ARFGEF2: variants seen among roughly 807,000 people sequenced by gnomAD.
ARFGEF2 encodes the protein ARF guanine nucleotide exchange factor 2.
In ARFGEF2, 74 loss-of-function variants were observed where a neutral mutation model predicts 219.9. That is an observed-to-expected ratio of 0.34 (90% CI 0.28 to 0.41). ARFGEF2 has a LOEUF of 0.41. Ranked by LOEUF, ARFGEF2 falls within the 10% of genes least tolerant of loss-of-function variation. The probability of loss-of-function intolerance (pLI) is 1.00; values close to 1 mark genes in which losing one functional copy is unlikely to be tolerated. For synonymous variants in ARFGEF2, 733 were observed against 799.2 expected (o/e 0.92, Z 1.40); for missense variants, 1,743 against 2,218.3 (o/e 0.79, Z 4.30).
intron 16 of ARFGEF2, 21 bp from the exon 17 acceptor site, chr20:48,988,283 G>A: frequency 6.3e-7 from 1 of 1,592,538 alleles, no homozygotes; most frequent in Middle Eastern, 1.7e-4. Context: ...GAATATTGAT[G>A]TCTCGAATTT....
chr20:48,997,601 C>T (rs1600643396), intron 23 of ARFGEF2, among the ~76,000 whole-genome samples: 1 of 152,116 alleles, frequency 6.6e-6, no homozygotes, highest in Non-Finnish European at 1.5e-5. Context: ...GTCACTTTCT[C>T]TTCTGCTCAC....
intron 1 of ARFGEF2, among the ~76,000 whole-genome samples, chr20:48,938,648 G>T (rs185179795): frequency 6.6e-6 from 1 of 152,078 alleles, no homozygotes; most frequent in Non-Finnish European, 1.5e-5. Flanking sequence ...CTGATCTAAC[G>T]AACACCAGAT....
rs372723553 is a variant in ARFGEF2, at chr20:49,006,962, G to A, written c.3584+1741G>A. On this transcript the variant is annotated intron_variant, in intron 26 of 38. Coordinates refer to ENST00000371917, the MANE Select transcript of ARFGEF2 (RefSeq NM_006420.3). Reference sequence around the variant, plus strand: ...CCCAAAGTGCTGGGATTACAGGCACGAGCTACCGTGGCCGGCCTGCCATTG... The same window carrying A: ...CCCAAAGTGCTGGGATTACAGGCACAAGCTACCGTGGCCGGCCTGCCATTG... Among the ~76,000 whole-genome samples, 18 of 151,802 alleles carry A rather than the reference G, an allele frequency of 1.2e-4. No homozygotes were observed. In the East Asian group the frequency reaches 2.9e-3, roughly 25 times the overall value.
chr20:49,023,487 A>G (rs1344266810), intron 35 of ARFGEF2, among the ~76,000 whole-genome samples: 1 of 151,580 alleles, frequency 6.6e-6, no homozygotes, highest in African/African-American at 2.4e-5. Flanking sequence ...TATCACAGGA[A>G]CTATTCCCCA....
At chr20:48,942,897 T>G (rs1385539828) in intron 3 of ARFGEF2, among the ~76,000 whole-genome samples, 1 of 152,158 alleles carries the variant, frequency 6.6e-6, no homozygotes, top group African/African-American at 2.4e-5. Context: ...TGTTTCTATT[T>G]AAAGAGACTA....
At chr20:48,967,479 T>A (rs1285172726) in intron 8 of ARFGEF2, among the ~76,000 whole-genome samples, 1 of 152,182 alleles carries the variant, frequency 6.6e-6, no homozygotes, top group Non-Finnish European at 1.5e-5. Flanking sequence ...GAGTTGGAAG[T>A]TTTAGCTGAG....
At chr20:48,928,929 A>G (rs2090896355) in intron 1 of ARFGEF2, among the ~76,000 whole-genome samples, 1 of 152,234 alleles carries the variant, frequency 6.6e-6, no homozygotes, top group Non-Finnish European at 1.5e-5. Flanking sequence ...TTAGAGCTCT[A>G]TCCTGTACTT....
rs561070420 is a variant in ARFGEF2 at position 48,998,578 on chromosome 20, G to A, written c.3432+73G>A. On this transcript the variant is annotated intron_variant, in intron 25 of 38. Coordinates refer to ENST00000371917, the MANE Select transcript of ARFGEF2 (RefSeq NM_006420.3). ...TAGACAACTGAATTCAAAAAAAGAA[G>A]TGATAAATAATTTGCCCTGTTTTTT... The A allele has an allele frequency of 6.6e-6, 10 of 1,525,674 alleles. No individual in the cohort carries two copies. In the African/African-American group the frequency reaches 9.7e-5, roughly 15 times the overall value. 94.5% of individuals were successfully genotyped at this position (1,525,674 alleles called of 1,614,324 possible). A position where few individuals can be genotyped will look rare whatever the true frequency, so the allele number is the denominator to read the frequency against.
At chr20:48,924,609 T>G (rs2090865089) in intron 1 of ARFGEF2, among the ~76,000 whole-genome samples, 1 of 151,422 alleles carries the variant, frequency 6.6e-6, no homozygotes, top group Non-Finnish European at 1.5e-5. Context: ...TTGTTAATTG[T>G]GATAAGAGGA....
intron 1 of ARFGEF2, among the ~76,000 whole-genome samples, chr20:48,939,597 T>G (rs987345696): frequency 6.6e-6 from 1 of 152,180 alleles, no homozygotes; most frequent in African/African-American, 2.4e-5. Flanking sequence ...CTTGGTGAAT[T>G]CTTTTCCCTG....
intron 38 of ARFGEF2, among the ~76,000 whole-genome samples, chr20:49,032,653 C>G (rs1049336946): frequency 6.6e-6 from 1 of 151,118 alleles, no homozygotes; most frequent in Non-Finnish European, 1.5e-5. Context: ...AATGCAGTGA[C>G]GTAATCTAGC....
intron 4 of ARFGEF2, 129 bp downstream of exon 4, chr20:48,951,598 T>A: frequency 2.4e-6 from 3 of 1,246,556 alleles, no homozygotes; most frequent in East Asian, 2.4e-5. Flanking sequence ...GATTTAAGCG[T>A]CACTTAGATC....
At position 48,953,538 on chromosome 20, in the gene ARFGEF2, C is replaced by G. The variant is rs775056144; in HGVS notation, c.604-18C>G. 9.9e-6 allele frequency: 16 copies of G among 1,609,764 alleles called. No individual in the cohort carries two copies. Among genetic ancestry groups the G allele is most frequent in the Admixed American group, 3.3e-5 (2 of 59,974 alleles). On this transcript the variant is annotated intron_variant, in intron 5 of 38. Transcript: ENST00000371917. The stretch of plus-strand genomic sequence containing the variant: ...CTTCCTTACCAAAATGCTGTATCCC[C>G]CTTTTGTTGCCTTTTAGTTGCAGGA...
At chr20:49,020,438 T>C (rs990193264) in intron 34 of ARFGEF2, among the ~76,000 whole-genome samples, 3 of 152,164 alleles carry the variant, frequency 2.0e-5, no homozygotes, top group Non-Finnish European at 4.4e-5. Flanking sequence ...GATAGAATGA[T>C]ACCTTTTTCA....
In ARFGEF2 at chr20:48,965,948, C is replaced by T; in HGVS notation, c.984C>T (p.Pro328=). The T allele has an allele frequency of 6.2e-7, 1 of 1,614,100 alleles. No individual in the cohort carries two copies. Among genetic ancestry groups the T allele is most frequent in the Non-Finnish European group, 8.5e-7 (1 of 1,180,004 alleles). Reference sequence around the variant, plus strand: ...TGGAGTGCCAGGAATGTGCTATTCCCCCAGGAGTTGATGAAAACTCACAGA... The same window carrying T: ...TGGAGTGCCAGGAATGTGCTATTCCTCCAGGAGTTGATGAAAACTCACAGA... The part of the protein sequence containing the change: ...GELECQECAI[P]PGVDENSQTN... The change falls in exon 8 of 39, where the codon CCC becomes CCT. Residue 328 remains proline (P), a synonymous_variant. Transcript: ENST00000371917.
chr20:48,949,012 C>T (rs1195239461), intron 3 of ARFGEF2, among the ~76,000 whole-genome samples: 1 of 152,156 alleles, frequency 6.6e-6, no homozygotes, highest in Non-Finnish European at 1.5e-5. Context: ...ACTATTGTAT[C>T]CCCAGTGCCC....
intron 20 of ARFGEF2, 135 bp from the exon 21 acceptor site, chr20:48,990,905 T>C (rs1440379191): frequency 1.5e-5 from 14 of 944,744 alleles, no homozygotes; most frequent in Non-Finnish European, 2.3e-5. Context: ...GAATAACTGT[T>C]GTGCTAATGT....
chr20:48,990,177 C>T (rs1332700013), intron 20 of ARFGEF2, among the ~76,000 whole-genome samples: 1 of 152,114 alleles, frequency 6.6e-6, no homozygotes, highest in Non-Finnish European at 1.5e-5. Flanking sequence ...GAAACTCCAT[C>T]TCAAAGAAAA....
intron 7 of ARFGEF2, among the ~76,000 whole-genome samples, chr20:48,964,502 G>A (rs2091176269): frequency 6.6e-6 from 1 of 152,104 alleles, no homozygotes; most frequent in Non-Finnish European, 1.5e-5. Context: ...GGGATGTCCA[G>A]GTTTTTCTAG....
Sources: allele counts gnomAD v4.1 joint callset (sites outside exome capture counted in the v4.1 genomes callset), GRCh38; gene constraint gnomAD v4.1.1; transcripts MANE v1.5; gene names NCBI Gene and HGNC (gene_info 2026-07-23, HGNC 2026-07-21).